Variants in DAPK1 observed in about 807,000 individuals in gnomAD.
DAPK1 encodes the protein death associated protein kinase 1.
A neutral mutation model predicts 144.9 loss-of-function variants in DAPK1; 56 were observed. The observed-to-expected ratio is 0.39, with a 90% CI of 0.31 to 0.48. The LOEUF (loss-of-function observed/expected upper bound fraction) is 0.48, where lower values mean the gene tolerates loss of function less well. DAPK1 is among the 20% of genes least tolerant of loss of function. The pLI is 0.95. For missense variants in DAPK1, 1,454 were observed against 1,875.4 expected, an observed-to-expected ratio of 0.78 and a Z score of 4.15; for synonymous variants, 690 against 749.0, an observed-to-expected ratio of 0.92 and a Z score of 1.29.
chr9:87,639,521 A>G (rs1830022521), intron 5 of DAPK1, 38 bp downstream of exon 5: 1 of 1,610,790 alleles, frequency 6.2e-7, no homozygotes, highest in South Asian at 1.1e-5. Context: ...TACGTCTCAT[A>G]AACATTATTC....
At chr9:87,517,925 G>A (rs1825123409) in intron 2 of DAPK1, among the ~76,000 whole-genome samples, 1 of 152,032 alleles carries the variant, frequency 6.6e-6, no homozygotes, top group African/African-American at 2.4e-5. Context: ...ATAAAATGTG[G>A]TTGACCGCAT....
chr9:87,587,349 T>G (rs1827971710), intron 2 of DAPK1, among the ~76,000 whole-genome samples: 1 of 152,244 alleles, frequency 6.6e-6, no homozygotes. Context: ...CTCAGGAGCA[T>G]GCTCACCGTG....
chr9:87,664,898 A>G (rs1830996380), intron 18 of DAPK1, among the ~76,000 whole-genome samples: 3 of 151,998 alleles, frequency 2.0e-5, no homozygotes, highest in African/African-American at 7.2e-5. Context: ...CTCCCTCCAC[A>G]TCAGCCCCAT....
In DAPK1 at chr9:87,626,007, C is replaced by T. The variant is rs553196432; in HGVS notation, c.285-11936C>T. Among the ~76,000 whole-genome samples the T allele has an allele frequency of 1.5e-3, 229 of 152,328 alleles. 1 individual carries two copies. The highest frequency in any genetic ancestry group is 5.2e-3 in the African/African-American group (217 of 41,572). On this transcript the variant is annotated intron_variant, in intron 3 of 25. Coordinates refer to ENST00000408954, the MANE Select transcript of DAPK1 (RefSeq NM_004938.4). ...GATGTGGACACGCAGTTTATACCCA[C>T]TCAAGTACAAACAGCCACTAAACAT... is the stretch of plus-strand genomic sequence containing the variant.
chr9:87,700,365 G>T (rs1357907171), intron 24 of DAPK1, 128 bp downstream of exon 24: 8 of 694,560 alleles, frequency 1.2e-5, no homozygotes, highest in Non-Finnish European at 2.0e-5. Context: ...TTATCCTAGT[G>T]CCCTGGGAAA....
At chr9:87,696,345 A>G (rs576119520) in intron 21 of DAPK1, among the ~76,000 whole-genome samples, 74 of 152,300 alleles carry the variant, frequency 4.9e-4, no homozygotes, top group African/African-American at 1.3e-3. Flanking sequence ...AGACATAAGT[A>G]GAAAAACAGA....
chr9:87,638,655 T>C (rs6560010), intron 4 of DAPK1, among the ~76,000 whole-genome samples: 7,399 of 152,174 alleles, frequency 0.049, 592 homozygotes, highest in African/African-American at 0.17. Context: ...GAAGTTCCAG[T>C]TCAAGGCAGG....
chr9:87,651,278 C>G (rs1364366117), intron 16 of DAPK1, among the ~76,000 whole-genome samples: 1 of 152,160 alleles, frequency 6.6e-6, no homozygotes, highest in Admixed American at 6.5e-5. Flanking sequence ...ACTGCTGAAG[C>G]CTAAATGAAT....
At chr9:87,614,678 C>T (rs965130535) in intron 3 of DAPK1, among the ~76,000 whole-genome samples, 6 of 152,206 alleles carry the variant, frequency 3.9e-5, no homozygotes, top group African/African-American at 1.4e-4. Flanking sequence ...TGTCCCCTCA[C>T]AGGTACTGGT....
At chr9:87,684,049 C>T (rs2117879031) in intron 20 of DAPK1, among the ~76,000 whole-genome samples, 1 of 152,336 alleles carries the variant, frequency 6.6e-6, no homozygotes, top group South Asian at 2.1e-4. Context: ...TGCCCCCATC[C>T]CTGGACTGGG....
chr9:87,606,545 CCT>C (rs1459561635), intron 3 of DAPK1, among the ~76,000 whole-genome samples: 1 of 110,578 alleles, frequency 9.0e-6, no homozygotes, highest in Non-Finnish European at 1.9e-5. Flanking sequence ...CCCCTCCCTC[CCT>C]CTCTCCCTCT....
At chr9:87,631,617 A>G (rs1382331794) in intron 3 of DAPK1, among the ~76,000 whole-genome samples, 1 of 152,244 alleles carries the variant, frequency 6.6e-6, no homozygotes, top group East Asian at 1.9e-4. Flanking sequence ...CAGACTGCTC[A>G]TCTCTCCTTC....
chr9:87,637,809 T>C (rs1343265987), intron 3 of DAPK1, 134 bp from the exon 4 acceptor site: 1 of 961,188 alleles, frequency 1.0e-6, no homozygotes, highest in Non-Finnish European at 1.5e-6. Context: ...GAATTCTGAA[T>C]CCATGCTTGG....
intron 2 of DAPK1, among the ~76,000 whole-genome samples, chr9:87,587,595 G>A (rs147925488): frequency 5.9e-5 from 9 of 152,330 alleles, no homozygotes; most frequent in South Asian, 2.1e-4. Flanking sequence ...AAAGACATCC[G>A]AATAATGTTA....
chr9:87,619,469 C>T (rs986735910), intron 3 of DAPK1, among the ~76,000 whole-genome samples: 3 of 152,140 alleles, frequency 2.0e-5, no homozygotes, highest in African/African-American at 4.8e-5. Flanking sequence ...TCTGAGGAAC[C>T]GCAATGAGGA....
intron 2 of DAPK1, among the ~76,000 whole-genome samples, chr9:87,542,400 A>G (rs931252482): frequency 6.6e-6 from 1 of 152,208 alleles, no homozygotes; most frequent in Non-Finnish European, 1.5e-5. Flanking sequence ...ACAGTGACAC[A>G]GAGTAAGGAA....
rs574146747 is a variant in DAPK1, at chr9:87,497,991, C to T, written c.-225C>T. 2.2e-4 allele frequency: 86 copies of T among 397,448 alleles called. No homozygotes were observed. The highest frequency in any genetic ancestry group is 9.2e-4 in the African/African-American group (45 of 48,708). The allele number at this position is 397,448 out of a possible 1,614,324, so 24.6% of individuals were successfully genotyped here. A position where few individuals can be genotyped will look rare whatever the true frequency, so the allele number is the denominator to read the frequency against. The stretch of plus-strand genomic sequence containing the variant: ...CCGGCGCCTGGGAGGGATCTGCGCC[C>T]CCCACTCACTCCCTAGCTGTGTTCC... On this transcript the variant is annotated 5_prime_UTR_variant, in exon 1 of 26. Coordinates refer to ENST00000408954, the MANE Select transcript of DAPK1 (RefSeq NM_004938.4).
Position 87,592,451 on chromosome 9 carries a change from C to T in DAPK1, c.63-12503C>T, listed in dbSNP as rs140765964. On this transcript the variant is annotated intron_variant, in intron 2 of 25. Transcript: ENST00000408954. ...TCCACACTTTTTTGGAAGCAGTGCT[C>T]CATGGAAAGGTCATTGGGTTTACAA... 3.7e-3 allele frequency among the ~76,000 whole-genome samples: 557 copies of T among 152,328 alleles called. 8 individuals carry two copies. Among genetic ancestry groups the T allele is most frequent in the African/African-American group, 0.012 (516 of 41,568 alleles).
chr9:87,646,903 C>T (rs969334518), intron 13 of DAPK1, among the ~76,000 whole-genome samples: 11 of 152,236 alleles, frequency 7.2e-5, no homozygotes, highest in African/African-American at 2.7e-4. Context: ...TGTTTGCCTG[C>T]TTCTGCAGAC....
Sources: allele counts gnomAD v4.1 joint callset (sites outside exome capture counted in the v4.1 genomes callset), GRCh38; gene constraint gnomAD v4.1.1; transcripts MANE v1.5; gene names NCBI Gene and HGNC (gene_info 2026-07-23, HGNC 2026-07-21).